Variants in LPP observed in about 807,000 individuals in gnomAD.
The protein encoded by LPP is LIM domain containing preferred translocation partner in lipoma.
LPP carries 38 observed loss-of-function variants against 60.4 expected under a neutral mutation model. The observed-to-expected ratio is 0.63, with a 90% CI of 0.49 to 0.83. LPP has a LOEUF of 0.83. LPP is among the 40% of genes least tolerant of loss of function. The probability of loss-of-function intolerance (pLI) is 0.00; values close to 1 mark genes in which losing one functional copy is unlikely to be tolerated. For missense variants in LPP, 902 were observed against 783.6 expected (o/e 1.15, Z -1.80); for synonymous variants, 328 against 290.8 (o/e 1.13, Z -1.30).
intron 6 of LPP, among the ~76,000 whole-genome samples, chr3:188,542,865 G>A (rs555832521): frequency 2.2e-4 from 33 of 152,230 alleles, no homozygotes; most frequent in African/African-American, 7.9e-4. Context: ...TACATAGATC[G>A]AAATCTAGTC....
At chr3:188,423,427 G>A (rs1788412000) in intron 4 of LPP, among the ~76,000 whole-genome samples, 1 of 152,162 alleles carries the variant, frequency 6.6e-6, no homozygotes, top group Non-Finnish European at 1.5e-5. Flanking sequence ...TGTCTTCATA[G>A]TAGAATGATT....
intron 9 of LPP, among the ~76,000 whole-genome samples, chr3:188,833,954 A>G (rs1475565924): frequency 1.3e-5 from 2 of 152,230 alleles, no homozygotes; most frequent in Non-Finnish European, 2.9e-5. Context: ...TCACATTACT[A>G]TTAAAGCATC....
rs558026454 is a variant in LPP at position 188,484,912 on chromosome 3, T to C, written c.306+208T>C. 5.3e-5 allele frequency among the ~76,000 whole-genome samples: 8 copies of C among 152,328 alleles called. No homozygotes were observed. In the South Asian group the frequency reaches 1.7e-3, roughly 32 times the overall value. Reference sequence around the variant, plus strand: ...CAAGCTTCCCAGAGTTCTGCTGGCTTACCCTCTGAAGCCCTCAAAATACTT... The same window carrying C: ...CAAGCTTCCCAGAGTTCTGCTGGCTCACCCTCTGAAGCCCTCAAAATACTT... On this transcript the variant is annotated intron_variant, in intron 5 of 11. Transcript: ENST00000617246.
chr3:188,467,375 A>G (rs1221073874), intron 4 of LPP, among the ~76,000 whole-genome samples: 1 of 152,122 alleles, frequency 6.6e-6, no homozygotes, highest in Admixed American at 6.6e-5. Flanking sequence ...TACGATGAAT[A>G]CAAGAACTTT....
chr3:188,368,462 C>G (rs1771871069), intron 3 of LPP, among the ~76,000 whole-genome samples: 1 of 151,876 alleles, frequency 6.6e-6, no homozygotes, highest in African/African-American at 2.4e-5. Context: ...CTTGTCCAAG[C>G]CCACCCTTGA....
At chr3:188,584,217 C>T (rs1473152113) in intron 6 of LPP, 2 of 152,204 alleles carry the variant, frequency 1.3e-5, no homozygotes, top group East Asian at 3.9e-4. Flanking sequence ...AATAGTTCTG[C>T]ACTTTGAAAG....
chr3:188,847,713 A>G (rs1761792331), intron 9 of LPP, among the ~76,000 whole-genome samples: 1 of 152,220 alleles, frequency 6.6e-6, no homozygotes, highest in African/African-American at 2.4e-5. Flanking sequence ...AACCAGAAAA[A>G]CAAATCAAGA....
At chr3:188,363,907 A>C (rs1410739117) in intron 3 of LPP, among the ~76,000 whole-genome samples, 5 of 87,254 alleles carry the variant, frequency 5.7e-5, no homozygotes, top group East Asian at 2.4e-4. Context: ...CTCCCTCCCA[A>C]AAAAAAAAAA....
intron 4 of LPP, among the ~76,000 whole-genome samples, chr3:188,454,895 C>G (rs572053746): frequency 6.8e-4 from 104 of 152,280 alleles, no homozygotes; most frequent in African/African-American, 2.4e-3. Context: ...GGTGGGGACA[C>G]AAAGCCATGA....
At chr3:188,698,939 C>A (rs1019864128) in intron 7 of LPP, among the ~76,000 whole-genome samples, 2 of 152,206 alleles carry the variant, frequency 1.3e-5, no homozygotes, top group African/African-American at 4.8e-5. Flanking sequence ...AGTCCTTTAT[C>A]AGCAGATGGA....
intron 3 of LPP, among the ~76,000 whole-genome samples, chr3:188,386,264 G>GCACACACA (rs1277848531): frequency 5.0e-5 from 5 of 99,344 alleles, no homozygotes; most frequent in African/African-American, 1.9e-4. Context: ...TAGCATGCGC[G>GCACACACA]CACACACACA....
At chr3:188,741,150 T>A (rs984995292) in intron 8 of LPP, among the ~76,000 whole-genome samples, 1 of 151,654 alleles carries the variant, frequency 6.6e-6, no homozygotes, top group African/African-American at 2.4e-5. Context: ...AACGTGTTAT[T>A]TAAACTAAAA....
At chr3:188,397,741 G>C (rs1781303358) in intron 3 of LPP, among the ~76,000 whole-genome samples, 1 of 151,964 alleles carries the variant, frequency 6.6e-6, no homozygotes, top group African/African-American at 2.4e-5. Flanking sequence ...AGCCTCCCAA[G>C]TAGCTGGGAC....
At chr3:188,844,270 C>G (rs1760889564) in intron 9 of LPP, among the ~76,000 whole-genome samples, 2 of 152,140 alleles carry the variant, frequency 1.3e-5, no homozygotes, top group Admixed American at 1.3e-4. Flanking sequence ...AAAGTGCTGG[C>G]CTGCCTGTAT....
chr3:188,316,775 G>A (rs574220933), intron 2 of LPP, among the ~76,000 whole-genome samples: 2 of 152,296 alleles, frequency 1.3e-5, no homozygotes, highest in South Asian at 2.1e-4. Flanking sequence ...TGCAAAGAAG[G>A]CAAATGATTC....
intron 7 of LPP, among the ~76,000 whole-genome samples, chr3:188,644,822 A>G (rs979786002): frequency 6.6e-6 from 1 of 152,222 alleles, no homozygotes; most frequent in African/African-American, 2.4e-5. Flanking sequence ...TGTTGGTCGT[A>G]TCTATTACAA....
intron 9 of LPP, among the ~76,000 whole-genome samples, chr3:188,790,700 T>C (rs568511411): frequency 6.6e-6 from 1 of 151,866 alleles, no homozygotes; most frequent in East Asian, 1.9e-4. Context: ...CGGGCACCTG[T>C]AATCCCAGCT....
At chr3:188,496,440 T>C (rs1810244311) in intron 5 of LPP, among the ~76,000 whole-genome samples, 1 of 152,204 alleles carries the variant, frequency 6.6e-6, no homozygotes, top group South Asian at 2.1e-4. Flanking sequence ...ATTGCTTTTT[T>C]TAATAAAAGA....
At chr3:188,400,264 A>C (rs1781931326) in intron 3 of LPP, among the ~76,000 whole-genome samples, 1 of 152,204 alleles carries the variant, frequency 6.6e-6, no homozygotes, top group African/African-American at 2.4e-5. Context: ...ATAGGGAGGT[A>C]GTACAGAGTG....
Sources: allele counts gnomAD v4.1 joint callset (sites outside exome capture counted in the v4.1 genomes callset), GRCh38; gene constraint gnomAD v4.1.1; transcripts MANE v1.5; gene names NCBI Gene and HGNC (gene_info 2026-07-23, HGNC 2026-07-21).